Variants in ZNF475 observed in about 807,000 individuals in gnomAD.
ZNF475 encodes the protein zinc finger protein 475.
At chr5:122,177,748 C>CT in the ZNF475 span, among the ~76,000 whole-genome samples, 95 of 150,906 alleles carry the variant, frequency 6.3e-4, no homozygotes, top group African/African-American at 2.0e-3. Context: ...GACATTTTTT[C>CT]TTTTTTTTTA....
At chr5:122,177,617 T>A in the ZNF475 span, among the ~76,000 whole-genome samples, 296 of 152,298 alleles carry the variant, frequency 1.9e-3, no homozygotes, top group African/African-American at 6.6e-3. Context: ...AATCTTTTAA[T>A]TGCCAAAAAG....
At chr5:122,165,379 C>G in the ZNF475 span, among the ~76,000 whole-genome samples, 1 of 152,152 alleles carries the variant, frequency 6.6e-6, no homozygotes, top group Non-Finnish European at 1.5e-5. Context: ...ATCTGAGAGA[C>G]AAAGTACACA....
chr5:122,165,795 T>G, the ZNF475 span, among the ~76,000 whole-genome samples: 1 of 152,062 alleles, frequency 6.6e-6, no homozygotes, highest in Admixed American at 6.6e-5. Flanking sequence ...ACTTTCTGCA[T>G]TTAAAAAAAT....
At chr5:122,174,793 T>C in the ZNF475 span, among the ~76,000 whole-genome samples, 2 of 152,234 alleles carry the variant, frequency 1.3e-5, no homozygotes, top group Non-Finnish European at 2.9e-5. Context: ...CCATGTGGAA[T>C]TTTATTAAAT....
At chr5:122,182,608 A>G in the ZNF475 span, 7 of 1,535,442 alleles carry the variant, frequency 4.6e-6, no homozygotes, top group Non-Finnish European at 6.1e-6. Context: ...CTGATTGTTC[A>G]CCAACGATCT....
the ZNF475 span, among the ~76,000 whole-genome samples, chr5:122,177,127 T>C: frequency 1.3e-5 from 2 of 152,160 alleles, no homozygotes; most frequent in Non-Finnish European, 2.9e-5. Flanking sequence ...ACAATCACTC[T>C]GGGGACTTCT....
At chr5:122,177,853 G>A in the ZNF475 span, among the ~76,000 whole-genome samples, 57 of 152,030 alleles carry the variant, frequency 3.7e-4, no homozygotes, top group Admixed American at 5.2e-4. Flanking sequence ...CCATCAACAC[G>A]TTATCTACAT....
At chr5:122,163,586 G>C in the ZNF475 span, among the ~76,000 whole-genome samples, 1 of 152,146 alleles carries the variant, frequency 6.6e-6, no homozygotes, top group Non-Finnish European at 1.5e-5. Flanking sequence ...CAGAAGCTAA[G>C]GCCCAAATTT....
the ZNF475 span, among the ~76,000 whole-genome samples, chr5:122,170,378 C>T: frequency 3.3e-5 from 5 of 152,200 alleles, no homozygotes; most frequent in South Asian, 1.0e-3. Context: ...TGGCTAAAAA[C>T]TGGATTTCCC....
At chr5:122,174,234 G>T in the ZNF475 span, among the ~76,000 whole-genome samples, 665 of 152,262 alleles carry the variant, frequency 4.4e-3, 7 homozygotes, top group African/African-American at 0.015. Flanking sequence ...TCTGAAAAAG[G>T]CCCAATAGGA....
At chr5:122,165,499 A>G in the ZNF475 span, among the ~76,000 whole-genome samples, 2 of 152,228 alleles carry the variant, frequency 1.3e-5, no homozygotes, top group African/African-American at 4.8e-5. Flanking sequence ...GACTTGTGTT[A>G]TTACAGATTA....
chr5:122,181,157 C>G, the ZNF475 span, among the ~76,000 whole-genome samples: 1 of 152,162 alleles, frequency 6.6e-6, no homozygotes, highest in Non-Finnish European at 1.5e-5. Context: ...CTTCCTCTCA[C>G]TTCCATGTTA....
chr5:122,166,272 C>A, the ZNF475 span, among the ~76,000 whole-genome samples: 13 of 152,204 alleles, frequency 8.5e-5, no homozygotes, highest in South Asian at 2.7e-3. Flanking sequence ...TATATACACA[C>A]ATACACATTT....
chr5:122,171,360 C>T, the ZNF475 span, among the ~76,000 whole-genome samples: 1 of 152,052 alleles, frequency 6.6e-6, no homozygotes, highest in Admixed American at 6.6e-5. Context: ...CCTAATTTGA[C>T]CTTAGTGAGT....
At chr5:122,167,638 T>C in the ZNF475 span, among the ~76,000 whole-genome samples, 1 of 152,174 alleles carries the variant, frequency 6.6e-6, no homozygotes, top group African/African-American at 2.4e-5. Flanking sequence ...TGCACTAGTG[T>C]TTTTAAATCA....
At chr5:122,166,443 C>G in the ZNF475 span, among the ~76,000 whole-genome samples, 94 of 152,088 alleles carry the variant, frequency 6.2e-4, no homozygotes, top group East Asian at 0.015. Flanking sequence ...TGTGCTGCAC[C>G]CATTAACTCG....
chr5:122,176,618 C>T, the ZNF475 span, among the ~76,000 whole-genome samples: 1 of 152,134 alleles, frequency 6.6e-6, no homozygotes, highest in South Asian at 2.1e-4. Flanking sequence ...GAGTGTAAGA[C>T]ATGGTGGGTA....
At chr5:122,172,981 C>T in the ZNF475 span, among the ~76,000 whole-genome samples, 1 of 151,686 alleles carries the variant, frequency 6.6e-6, no homozygotes, top group African/African-American at 2.4e-5. Context: ...TGCAGTGAGC[C>T]AAGATCGCGC....
chr5:122,168,531 T>C, the ZNF475 span, among the ~76,000 whole-genome samples: 6 of 152,146 alleles, frequency 3.9e-5, no homozygotes, highest in Non-Finnish European at 8.8e-5. Flanking sequence ...GCTAACACGG[T>C]GAAACCCCGT....
Sources: allele counts gnomAD v4.1 joint callset (sites outside exome capture counted in the v4.1 genomes callset), GRCh38; gene constraint gnomAD v4.1.1; transcripts MANE v1.5; gene names NCBI Gene and HGNC (gene_info 2026-07-23, HGNC 2026-07-21).